Variants in ANO6 observed in about 807,000 individuals in gnomAD.
ANO6 encodes anoctamin 6, also known as anoctamin-6.
Under a neutral mutation model 117.5 loss-of-function variants are expected in ANO6, and 106 were observed. The ratio of observed to expected loss-of-function variants is 0.90; its 90% CI spans 0.77 to 1.06. The LOEUF is 1.06. Among genes scored for constraint, ANO6 ranks in the 50% least tolerant of loss-of-function variants. The pLI is 0.00. For synonymous variants in ANO6, 367 were observed against 385.1 expected (o/e 0.95, Z 0.55); for missense variants, 955 against 1,121.1 (o/e 0.85, Z 2.12).
rs527279469 is a variant in ANO6 at position 45,366,231 on chromosome 12, C to T, written c.999-1457C>T. ...CCAATTTGTGGCTTATATTTTTCTC[C>T]CTTTAATGTTATTTTTTAATGACAT... On this transcript the variant is annotated intron_variant, in intron 8 of 19. Transcript: ENST00000320560. Among the ~76,000 whole-genome samples the T allele has an allele frequency of 2.1e-3, 318 of 151,654 alleles. 3 individuals are homozygous for T. The highest frequency in any genetic ancestry group is 7.3e-3 in the African/African-American group (303 of 41,360).
chr12:45,318,745 C>T (rs1291679382), intron 2 of ANO6, among the ~76,000 whole-genome samples: 2 of 152,090 alleles, frequency 1.3e-5, no homozygotes, highest in South Asian at 4.1e-4. Context: ...ATTGATTCTT[C>T]CTACCCATGA....
chr12:45,216,293 CA>C lies in ANO6; in HGVS notation c.-27del. On this transcript the variant is annotated 5_prime_UTR_variant, in exon 1 of 20. Transcript: ENST00000320560. Reference sequence around the variant, plus strand: ...AACCCGGGAGCCCCCAACTTCGCGCCAAGTTCGGAGCCGCCTTCTGAGGGAG... The same window carrying C: ...AACCCGGGAGCCCCCAACTTCGCGCCAGTTCGGAGCCGCCTTCTGAGGGAG... 1 of 1,591,882 alleles carries C rather than the reference CA, an allele frequency of 6.3e-7. No homozygotes were observed. Among genetic ancestry groups the C allele is most frequent in the Non-Finnish European group, 8.6e-7 (1 of 1,169,458 alleles).
chr12:45,315,246 T>A (rs1424921562), intron 2 of ANO6, among the ~76,000 whole-genome samples: 1 of 152,062 alleles, frequency 6.6e-6, no homozygotes, highest in Non-Finnish European at 1.5e-5. Flanking sequence ...CTTATTCATG[T>A]AATTTCAATA....
intron 1 of ANO6, among the ~76,000 whole-genome samples, chr12:45,291,064 T>C (rs954141925): frequency 6.6e-6 from 1 of 152,162 alleles, no homozygotes; most frequent in Admixed American, 6.5e-5. Context: ...CAACAAATGG[T>C]GCTGCAGCAA....
At chr12:45,250,761 TAAAAAAAAAA>T (rs1237444756) in intron 1 of ANO6, among the ~76,000 whole-genome samples, 1 of 116,562 alleles carries the variant, frequency 8.6e-6, no homozygotes, top group African/African-American at 3.2e-5. Context: ...TCTGGTTACT[TAAAAAAAAAA>T]AAAAAAAAAA....
chr12:45,391,416 A>C (rs1942446659), intron 12 of ANO6, among the ~76,000 whole-genome samples: 1 of 152,222 alleles, frequency 6.6e-6, no homozygotes, highest in African/African-American at 2.4e-5. Flanking sequence ...ATAGCAATAA[A>C]AATGTAATAT....
At chr12:45,367,566 G>A in intron 8 of ANO6, 122 bp from the exon 9 acceptor site, 2 of 722,800 alleles carry the variant, frequency 2.8e-6, no homozygotes, top group Non-Finnish European at 4.5e-6. Flanking sequence ...TGTAACAGAA[G>A]TTCACTTCTG....
intron 8 of ANO6, among the ~76,000 whole-genome samples, chr12:45,362,900 C>T: frequency 6.6e-6 from 1 of 151,964 alleles, no homozygotes; most frequent in Non-Finnish European, 1.5e-5. Flanking sequence ...ATAATTGTTG[C>T]TTTGTGTCTT....
chr12:45,323,539 G>T lies in ANO6; in HGVS notation c.151-7756G>T, dbSNP rs75826457. Among the ~76,000 whole-genome samples the T allele has an allele frequency of 2.1e-3, 325 of 152,280 alleles. 1 individual carries two copies. The highest frequency in any genetic ancestry group is 0.015 in the East Asian group (80 of 5,186). On this transcript the variant is annotated intron_variant, in intron 2 of 19. Transcript: ENST00000320560. ...TAAGGTAGAGAATACCATTGTGAAA[G>T]CTCACATTTATTGAGCTTTTACTAT...
chr12:45,388,666 G>A lies in ANO6; in HGVS notation c.1308+363G>A, dbSNP rs533692302. 4.6e-5 allele frequency among the ~76,000 whole-genome samples: 7 copies of A among 152,208 alleles called. No homozygotes were observed. In the East Asian group the frequency reaches 5.8e-4, roughly 13 times the overall value. On this transcript the variant is annotated intron_variant, in intron 11 of 19. Coordinates refer to ENST00000320560, the MANE Select transcript of ANO6 (RefSeq NM_001025356.3). Reference sequence around the variant, plus strand: ...TTATAGTTGATTCTCAATTTTTCACGTATACTTTCATTATTCCAGCCCCTT... The same window carrying A: ...TTATAGTTGATTCTCAATTTTTCACATATACTTTCATTATTCCAGCCCCTT...
rs1197283658 is a variant in ANO6 at position 45,416,778 on chromosome 12, G to A, written c.2091G>A (p.Leu697=). 6.2e-7 allele frequency: 1 copy of A among 1,614,028 alleles called. No homozygotes were observed. The highest frequency in any genetic ancestry group is 8.5e-7 in the Non-Finnish European group (1 of 1,179,994). ...TGTTGGCTCTCGTGAACAATATATT[G>A]GAAATAAGAGTGGACGCATGGAAAC... ...APLLALVNNI[L]EIRVDAWKLT... Residue 697 remains leucine, a synonymous_variant, in exon 17 of 20, where the codon TTG becomes TTA. Transcript: ENST00000320560.
At chr12:45,372,132 G>T (rs1197724178) in intron 9 of ANO6, among the ~76,000 whole-genome samples, 2 of 152,156 alleles carry the variant, frequency 1.3e-5, no homozygotes, top group Non-Finnish European at 2.9e-5. Flanking sequence ...TGAAATGAAT[G>T]AAATGAAAGG....
chr12:45,347,565 A>G (rs1479942487), intron 4 of ANO6: 2 of 183,488 alleles, frequency 1.1e-5, no homozygotes, highest in Non-Finnish European at 2.3e-5. Flanking sequence ...TTTAATATAT[A>G]GCAAATGGAT....
At chr12:45,280,165 G>C (rs2137252253) in intron 1 of ANO6, among the ~76,000 whole-genome samples, 1 of 152,312 alleles carries the variant, frequency 6.6e-6, no homozygotes, top group Admixed American at 6.5e-5. Context: ...CAGGAAATGT[G>C]TCCTTCCCAT....
intron 1 of ANO6, among the ~76,000 whole-genome samples, chr12:45,239,825 G>T (rs1357801613): frequency 6.6e-6 from 1 of 152,166 alleles, no homozygotes; most frequent in Non-Finnish European, 1.5e-5. Flanking sequence ...CCATGTAGTT[G>T]TGTGGTTTTG....
At chr12:45,301,411 T>C (rs1004598) in intron 1 of ANO6, among the ~76,000 whole-genome samples, 143,004 of 151,836 alleles carry the variant, frequency 0.94, 67,962 homozygotes, top group East Asian at 1. Context: ...GCCTGGGCAA[T>C]ATAGGGATAC....
intron 8 of ANO6, among the ~76,000 whole-genome samples, chr12:45,365,192 A>T (rs888572919): frequency 6.6e-6 from 1 of 152,198 alleles, no homozygotes; most frequent in Non-Finnish European, 1.5e-5. Context: ...GGTAGTTTTC[A>T]GCTCTTCCTT....
chr12:45,399,740 C>A (rs1942734519), intron 12 of ANO6, among the ~76,000 whole-genome samples: 1 of 152,132 alleles, frequency 6.6e-6, no homozygotes, highest in Non-Finnish European at 1.5e-5. Flanking sequence ...TCCCCTGAAG[C>A]AAAATCTGGG....
intron 1 of ANO6, among the ~76,000 whole-genome samples, chr12:45,240,945 G>C (rs1003540243): frequency 6.6e-6 from 1 of 152,188 alleles, no homozygotes; most frequent in Non-Finnish European, 1.5e-5. Flanking sequence ...GCTTCCCTTT[G>C]TGGGTAACCC....
Sources: gnomAD v4.1 joint callset for allele counts (sites outside exome capture counted in the v4.1 genomes callset) on GRCh38, gnomAD v4.1.1 for gene constraint, MANE v1.5 for transcripts, NCBI Gene and HGNC (gene_info 2026-07-23, HGNC 2026-07-21) for gene names.